Variants in CRB1 observed in about 807,000 individuals in gnomAD.
CRB1 encodes crumbs cell polarity complex component 1, also known as protein crumbs homolog 1.
CRB1 carries 83 observed loss-of-function variants against 120.0 expected under a neutral mutation model. That is an observed-to-expected ratio of 0.69 (90% CI 0.58 to 0.83). The LOEUF is 0.83. CRB1 is among the 40% of genes least tolerant of loss of function. CRB1 has a pLI of 0.00. For missense variants in CRB1, 1,699 were observed against 1,687.6 expected (o/e 1.01, Z -0.12); for synonymous variants, 625 against 612.5 (o/e 1.02, Z -0.30).
At chr1:197,354,817 GCCCCCCCA>G (rs1558076228) in intron 4 of CRB1, among the ~76,000 whole-genome samples, 393 of 19,440 alleles carry the variant, frequency 0.02, 5 homozygotes, top group Non-Finnish European at 0.027. Flanking sequence ...TCTGCCCCCC[GCCCCCCCA>G]CCCCCCCCCC....
chr1:197,393,791 GTTC>G (rs1662632295), intron 5 of CRB1, among the ~76,000 whole-genome samples: 1 of 133,244 alleles, frequency 7.5e-6, no homozygotes, highest in Admixed American at 7.2e-5. Context: ...ACATTTATCT[GTTC>G]TTCTGCTTTT....
At chr1:197,237,146 A>G in the CRB1 span, among the ~76,000 whole-genome samples, 1 of 152,132 alleles carries the variant, frequency 6.6e-6, no homozygotes, top group South Asian at 2.1e-4. Flanking sequence ...AAAAAAAGAC[A>G]GAACATGGTG....
chr1:197,323,782 A>G (rs1658338717), intron 1 of CRB1, among the ~76,000 whole-genome samples: 1 of 152,090 alleles, frequency 6.6e-6, no homozygotes, highest in Non-Finnish European at 1.5e-5. Context: ...TACCCTACCT[A>G]ACCCTAACGC....
At chr1:197,275,142 T>C (rs1343181809) in intron 1 of CRB1, among the ~76,000 whole-genome samples, 1 of 152,022 alleles carries the variant, frequency 6.6e-6, no homozygotes, top group Admixed American at 6.6e-5. Flanking sequence ...ACCTCTCTTC[T>C]ATTCTTCTTA....
At chr1:197,320,200 G>A (rs140072105) in intron 1 of CRB1, among the ~76,000 whole-genome samples, 3 of 152,210 alleles carry the variant, frequency 2.0e-5, no homozygotes, top group African/African-American at 4.8e-5. Context: ...AATAGTCCTC[G>A]TGAGAAAGTG....
chr1:197,378,998 A>T (rs549983846), intron 5 of CRB1, among the ~76,000 whole-genome samples: 2 of 152,348 alleles, frequency 1.3e-5, no homozygotes, highest in African/African-American at 4.8e-5. Context: ...CAGTTCAATC[A>T]TCAAAACATT....
intron 1 of CRB1, among the ~76,000 whole-genome samples, chr1:197,286,162 T>G (rs1655812849): frequency 6.6e-6 from 1 of 151,910 alleles, no homozygotes; most frequent in South Asian, 2.1e-4. Context: ...AGATTTTTCT[T>G]TTCCTTCATG....
chr1:197,468,367 A>G (rs1666838299), intron 11 of CRB1, among the ~76,000 whole-genome samples: 1 of 151,516 alleles, frequency 6.6e-6, no homozygotes, highest in South Asian at 2.1e-4. Flanking sequence ...TTTTACTTCC[A>G]TATCTCCAGG....
chr1:197,410,096 G>T (rs1242717732), intron 5 of CRB1, among the ~76,000 whole-genome samples: 1 of 152,130 alleles, frequency 6.6e-6, no homozygotes. Context: ...GTAAGTGTTA[G>T]TTCTATCCAC....
intron 5 of CRB1, among the ~76,000 whole-genome samples, chr1:197,360,923 A>G (rs868560263): frequency 9.8e-5 from 15 of 152,326 alleles, no homozygotes; most frequent in Middle Eastern, 3.4e-3. Context: ...TTCAAGTTGA[A>G]GTAGTTCCTC....
At chr1:197,218,050 C>T in the CRB1 span, among the ~76,000 whole-genome samples, 1 of 152,110 alleles carries the variant, frequency 6.6e-6, no homozygotes, top group South Asian at 2.1e-4. Context: ...ACAATTTCAG[C>T]TCTTCTATTA....
chr1:197,283,730 T>A (rs1655667747), intron 1 of CRB1, among the ~76,000 whole-genome samples: 1 of 151,682 alleles, frequency 6.6e-6, no homozygotes, highest in Non-Finnish European at 1.5e-5. Context: ...GCAATATTTT[T>A]CTTTAATTTT....
At chr1:197,347,959 G>C (rs536968066) in intron 4 of CRB1, among the ~76,000 whole-genome samples, 3 of 97,290 alleles carry the variant, frequency 3.1e-5, no homozygotes, top group Admixed American at 2.6e-4. Flanking sequence ...ATAATTAGAC[G>C]AGTATAGAGG....
chr1:197,321,069 C>T lies in CRB1; in HGVS notation c.71-7353C>T, dbSNP rs144726824. Among the ~76,000 whole-genome samples the T allele has an allele frequency of 8.2e-4, 125 of 152,282 alleles. 1 individual carries two copies. The highest frequency in any genetic ancestry group is 3.0e-3 in the African/African-American group (123 of 41,576). ...TGTTTTGTGCTCAGCAATGAAGCCT[C>T]GGAATTCATTACGTAATCACTTGCC... On this transcript the variant is annotated intron_variant, in intron 1 of 11. Transcript: ENST00000367400.
intron 7 of CRB1, among the ~76,000 whole-genome samples, chr1:197,428,465 C>A (rs755697348): frequency 6.6e-6 from 1 of 152,114 alleles, no homozygotes; most frequent in Non-Finnish European, 1.5e-5. Flanking sequence ...TGAAATCTTC[C>A]GAAATATAAT....
intron 2 of CRB1, among the ~76,000 whole-genome samples, chr1:197,333,863 G>A (rs955740564): frequency 1.2e-4 from 19 of 152,180 alleles, no homozygotes; most frequent in Admixed American, 3.3e-4. Flanking sequence ...TGAAAGGAAA[G>A]AGAAAGTATA....
chr1:197,221,301 C>G, the CRB1 span, among the ~76,000 whole-genome samples: 1 of 152,148 alleles, frequency 6.6e-6, no homozygotes, highest in Non-Finnish European at 1.5e-5. Context: ...GAAGATAAAA[C>G]AAGGGGTGAG....
At chr1:197,418,569 C>T (rs1353510686) in intron 5 of CRB1, among the ~76,000 whole-genome samples, 2 of 152,106 alleles carry the variant, frequency 1.3e-5, no homozygotes, top group East Asian at 3.9e-4. Flanking sequence ...CAGTAGAGTC[C>T]AATCAAGTGC....
At chr1:197,229,665 C>T in the CRB1 span, among the ~76,000 whole-genome samples, 1 of 152,192 alleles carries the variant, frequency 6.6e-6, no homozygotes, top group East Asian at 1.9e-4. Flanking sequence ...TGTCTACGTG[C>T]ACTCAATATT....
Sources: allele counts gnomAD v4.1 joint callset (sites outside exome capture counted in the v4.1 genomes callset), GRCh38; gene constraint gnomAD v4.1.1; transcripts MANE v1.5; gene names NCBI Gene and HGNC (gene_info 2026-07-23, HGNC 2026-07-21).